The following POLI variants were observed in gnomAD, a reference collection of about 807,000 sequenced individuals.
The protein encoded by POLI is DNA polymerase iota.
Under a neutral mutation model 51.6 loss-of-function variants are expected in POLI, and 58 were observed. That is an observed-to-expected ratio of 1.12 (90% CI 0.91 to 1.40). POLI has a LOEUF of 1.40. Ranked by LOEUF, POLI falls within the 40% of genes most tolerant of loss-of-function variation. The pLI is 0.00. For missense variants in POLI, 921 were observed against 871.3 expected (o/e 1.06, Z -0.72); for synonymous variants, 322 against 299.7 (o/e 1.07, Z -0.77).
intron 3 of POLI, among the ~76,000 whole-genome samples, chr18:54,308,907 C>CT (rs1361143735): frequency 6.6e-6 from 1 of 152,164 alleles, no homozygotes; most frequent in Non-Finnish European, 1.5e-5. Context: ...TCACGTAGTT[C>CT]TTGTGCCATG....
chr18:54,289,063 T>A (rs1379945279), intron 8 of POLI, among the ~76,000 whole-genome samples: 1 of 152,126 alleles, frequency 6.6e-6, no homozygotes, highest in Non-Finnish European at 1.5e-5. Context: ...TTGTAGCAAC[T>A]CTGGATTTAC....
intron 7 of POLI, among the ~76,000 whole-genome samples, chr18:54,286,460 C>T (rs2087747834): frequency 6.6e-6 from 1 of 151,818 alleles, no homozygotes; most frequent in Admixed American, 6.6e-5. Context: ...TAAGATATTG[C>T]TCTAATAAGC....
chr18:54,317,947 A>G (rs901287766), intron 3 of POLI, among the ~76,000 whole-genome samples: 2 of 152,222 alleles, frequency 1.3e-5, no homozygotes, highest in African/African-American at 4.8e-5. Flanking sequence ...CCTAAATCAA[A>G]GTTGATTCTG....
At chr18:54,302,884 GTGCC>G (rs2088516602), downstream of POLI, among the ~76,000 whole-genome samples, 1 of 152,066 alleles carries the variant, frequency 6.6e-6, no homozygotes, top group African/African-American at 2.4e-5. Context: ...TTGTCTTTCT[GTGCC>G]TGGCTAATTT....
At position 54,295,618 on chromosome 18, in the gene POLI, ATTTTC is replaced by A. The variant is rs1174126184; in HGVS notation, c.*1160_*1164del. On this transcript the variant is annotated 3_prime_UTR_variant, in exon 10 of 10. Transcript: ENST00000579534. The stretch of plus-strand genomic sequence containing the variant: ...AAAAATACTTTCTTCTAGGTCTGAA[ATTTTC>A]TTTTCTTTCTTTTTTTGTTTTGGAG... The A allele has an allele frequency of 8.3e-6, 6 of 718,922 alleles. No individual in the cohort carries two copies. The highest frequency in any genetic ancestry group is 1.9e-5 in the African/African-American group (1 of 51,294). 44.5% of individuals were successfully genotyped at this position (718,922 alleles called of 1,614,324 possible).
intron 7 of POLI, among the ~76,000 whole-genome samples, chr18:54,285,843 T>C (rs943617702): frequency 1.1e-4 from 16 of 152,276 alleles, no homozygotes; most frequent in African/African-American, 3.4e-4. Flanking sequence ...CAGTAAGAGA[T>C]AGAAAAAATT....
intron 1 of POLI, 169 bp downstream of exon 1, chr18:54,269,830 A>G: frequency 7.4e-7 from 1 of 1,354,370 alleles, no homozygotes; most frequent in Non-Finnish European, 9.4e-7. Context: ...GGGTACCTCT[A>G]GAGGAATGGC....
chr18:54,284,223 A>G (rs1599201498), intron 7 of POLI, among the ~76,000 whole-genome samples: 1 of 152,194 alleles, frequency 6.6e-6, no homozygotes, highest in East Asian at 1.9e-4. Context: ...ATTGGTCTTA[A>G]TTCTGTTAAC....
intron 8 of POLI, among the ~76,000 whole-genome samples, chr18:54,290,522 A>G (rs2087957342): frequency 6.6e-6 from 1 of 152,204 alleles, no homozygotes; most frequent in Non-Finnish European, 1.5e-5. Context: ...ATAAAGACAC[A>G]TGCACGCGTA....
At position 54,294,203 on chromosome 18, in the gene POLI, G is replaced by T. The variant is rs771440745; in HGVS notation, c.1959G>T (p.Val653=). 1 of 1,613,484 alleles carries T rather than the reference G, an allele frequency of 6.2e-7. No individual in the cohort carries two copies. Among genetic ancestry groups the T allele is most frequent in the Admixed American group, 1.7e-5 (1 of 59,946 alleles). The change falls in exon 10 of 10, where the codon GTG becomes GTT. Residue 653 remains valine (V), a synonymous_variant. Coordinates refer to ENST00000579534, the MANE Select transcript of POLI (RefSeq NM_007195.3). ...GFHFTNSNPA[V]SAFHSFPNLQ... Reference sequence around the variant, plus strand: ...ACTTTACAAATTCAAACCCTGCTGTGTCTGCTTTTCATTCATTTCCAAACT... The same window carrying T: ...ACTTTACAAATTCAAACCCTGCTGTTTCTGCTTTTCATTCATTTCCAAACT...
At chr18:54,276,771 A>G (rs1202419548) in intron 3 of POLI, among the ~76,000 whole-genome samples, 3 of 152,196 alleles carry the variant, frequency 2.0e-5, no homozygotes, top group African/African-American at 4.8e-5. Context: ...CACATTGTCA[A>G]TGTTGACATC....
Position 54,282,895 on chromosome 18 carries a change from T to C in POLI, c.855T>C (p.Asp285=), listed in dbSNP as rs149384607. 1.5e-4 allele frequency: 235 copies of C among 1,587,484 alleles called. 1 individual carries two copies. The African/African-American group carries it at 2.9e-3, about 19-fold the overall frequency. ...LEALGINSVR[D]LQTFSPKILE... Reference sequence around the variant, plus strand: ...CACTGGGTATCAATAGTGTGCGTGATCTCCAAACCTTTTCACCCAAAATTT... The same window carrying C: ...CACTGGGTATCAATAGTGTGCGTGACCTCCAAACCTTTTCACCCAAAATTT... The change falls in exon 6 of 10, where the codon GAT becomes GAC. Residue 285 remains aspartate, a synonymous_variant. Transcript: ENST00000579534.
chr18:54,280,873 C>T lies in POLI; in HGVS notation c.766C>T (p.His256Tyr), dbSNP rs1406349469. ...LLPESCQHLI[H>Y]SLNHIKEIPG... The stretch of plus-strand genomic sequence containing the variant: ...ACCTGAAAGTTGTCAACATCTTATT[C>T]ATAGTTTGAATCACATAAAGGAAAT... Residue 256 changes from histidine (H) to tyrosine (Y), a missense_variant, in exon 5 of 10, where the codon CAT (histidine) becomes TAT (tyrosine). Physicochemically the swap from His to Tyr is moderately conservative, Grantham distance 83. Coordinates refer to ENST00000579534, the MANE Select transcript of POLI (RefSeq NM_007195.3). 2.8e-5 allele frequency: 45 copies of T among 1,605,124 alleles called. No individual in the cohort carries two copies. Among genetic ancestry groups the T allele is most frequent in the Non-Finnish European group, 3.7e-5 (43 of 1,172,042 alleles).
chr18:54,290,650 TA>T (rs1375031235), intron 8 of POLI, among the ~76,000 whole-genome samples: 1 of 151,970 alleles, frequency 6.6e-6, no homozygotes, highest in Non-Finnish European at 1.5e-5. Flanking sequence ...TATGCAGCCA[TA>T]AAAAAGGATG....
At position 54,296,387 on chromosome 18, in the gene POLI, CAG is replaced by C. The variant is rs2088329583; in HGVS notation, c.*1922_*1923del. The C allele has an allele frequency of 2.0e-6, 2 of 983,676 alleles. No individual in the cohort carries two copies. Among genetic ancestry groups the C allele is most frequent in the Non-Finnish European group, 2.4e-6 (2 of 828,454 alleles). The allele number at this position is 983,676 out of a possible 1,614,324, so 60.9% of individuals were successfully genotyped here. ...AGTTAGTCTCAACATCTTTGGGCCTCAGAATCAACTTTTTTATGGGATCTTTT... is the reference window on the plus strand; with the variant it reads ...AGTTAGTCTCAACATCTTTGGGCCTCAATCAACTTTTTTATGGGATCTTTT... On this transcript the variant is annotated 3_prime_UTR_variant, in exon 10 of 10. Coordinates refer to ENST00000579534, the MANE Select transcript of POLI (RefSeq NM_007195.3).
Position 54,283,924 on chromosome 18 carries a change from C to G in POLI, c.978C>G (p.Ser326=). Residue 326 remains serine (S), a splice_region_variant and synonymous_variant, in exon 7 of 10, where the codon TCC becomes TCG. Coordinates refer to ENST00000579534, the MANE Select transcript of POLI (RefSeq NM_007195.3). ...CCTTATTTATGCTTCTTTGATAGTC[C>G]TTTAGTGAAGAAGATTCATTTAAAA... ...SPVILSGPPQ[S]FSEEDSFKKC... 1 of 1,221,536 alleles carries G rather than the reference C, an allele frequency of 8.2e-7. No homozygotes were observed. The highest frequency in any genetic ancestry group is 1.2e-6 in the Non-Finnish European group (1 of 838,784). The allele number at this position is 1,221,536 out of a possible 1,614,324, so 75.7% of individuals were successfully genotyped here. A position where few individuals can be genotyped will look rare whatever the true frequency, so the allele number is the denominator to read the frequency against.
chr18:54,269,561 G>T lies in POLI; in HGVS notation c.15G>T (p.Gly5=). The T allele has an allele frequency of 1.3e-6, 2 of 1,498,138 alleles. No individual in the cohort carries two copies. The highest frequency in any genetic ancestry group is 5.5e-5 in the East Asian group (2 of 36,290). 92.8% of individuals were successfully genotyped at this position (1,498,138 alleles called of 1,614,324 possible). The change falls in exon 1 of 10, where the codon GGG becomes GGT. Residue 5 remains glycine, a synonymous_variant. Coordinates refer to ENST00000579534, the MANE Select transcript of POLI (RefSeq NM_007195.3). ...GCAGCGGCGGGATGGAGAAGCTGGGGGTGGAGCCGGAGGAGGAAGGCGGCG... is the reference window on the plus strand; with the variant it reads ...GCAGCGGCGGGATGGAGAAGCTGGGTGTGGAGCCGGAGGAGGAAGGCGGCG... The part of the protein sequence containing the change: MEKL[G]VEPEEEGGGD...
chr18:54,297,952 G>C lies in POLI; in HGVS notation c.*3485G>C. The C allele has an allele frequency of 1.0e-6, 1 of 982,102 alleles. No homozygotes were observed. The highest frequency in any genetic ancestry group is 1.2e-6 in the Non-Finnish European group (1 of 826,984). 60.8% of individuals were successfully genotyped at this position (982,102 alleles called of 1,614,324 possible). A position where few individuals can be genotyped will look rare whatever the true frequency, so the allele number is the denominator to read the frequency against. ...CTGAAATTATGTCCTTAGAGCTGTA[G>C]ATTTAGAACTGACATCTCTTGAGCT... On this transcript the variant is annotated 3_prime_UTR_variant, in exon 10 of 10. Coordinates refer to ENST00000579534, the MANE Select transcript of POLI (RefSeq NM_007195.3).
At chr18:54,285,854 A>T (rs576252218) in intron 7 of POLI, among the ~76,000 whole-genome samples, 12 of 152,228 alleles carry the variant, frequency 7.9e-5, no homozygotes, top group South Asian at 2.1e-4. Context: ...AGAAAAAATT[A>T]TTTACTACAG....
Sources: allele counts gnomAD v4.1 joint callset (sites outside exome capture counted in the v4.1 genomes callset), GRCh38; gene constraint gnomAD v4.1.1; transcripts MANE v1.5; gene names NCBI Gene and HGNC (gene_info 2026-07-23, HGNC 2026-07-21).